Variants in ANKRD36 observed in about 807,000 individuals in gnomAD.
ANKRD36 encodes ankyrin repeat domain-containing protein 36A.
A neutral mutation model predicts 278.1 loss-of-function variants in ANKRD36; 179 were observed. The ratio of observed to expected loss-of-function variants is 0.64; its 90% CI spans 0.57 to 0.73. The LOEUF (loss-of-function observed/expected upper bound fraction) is 0.73. Ranked by LOEUF, ANKRD36 falls within the 30% of genes least tolerant of loss-of-function variation. The probability of loss-of-function intolerance (pLI) is 0.00; values close to 1 mark genes in which losing one functional copy is unlikely to be tolerated. For synonymous variants in ANKRD36, 320 were observed against 641.1 expected (o/e 0.50, Z 7.57); for missense variants, 1,159 against 1,956.7 (o/e 0.59, Z 7.69).
chr2:97,152,713 A>T (rs1279108014), intron 14 of ANKRD36, among the ~76,000 whole-genome samples, 179 bp downstream of exon 14: 1 of 146,624 alleles, frequency 6.8e-6, no homozygotes, highest in Non-Finnish European at 1.5e-5. Flanking sequence ...TAATTAGGCA[A>T]CTCTGCTTTA....
chr2:97,156,369 C>G (rs571456450), intron 15 of ANKRD36, among the ~76,000 whole-genome samples: 36 of 144,554 alleles, frequency 2.5e-4, no homozygotes, highest in African/African-American at 7.3e-4. Context: ...CTCCCTCCCC[C>G]CTACCCCCAC....
chr2:97,206,862 C>A (rs1306564225), intron 52 of ANKRD36, among the ~76,000 whole-genome samples: 1 of 151,420 alleles, frequency 6.6e-6, no homozygotes, highest in East Asian at 1.9e-4. Context: ...AAACTTGAAT[C>A]TGAATACATT....
intron 75 of ANKRD36, among the ~76,000 whole-genome samples, chr2:97,256,915 A>AT (rs1189907746): frequency 1.7e-5 from 2 of 116,054 alleles, no homozygotes; most frequent in East Asian, 1.1e-3. Flanking sequence ...TATTTTATGT[A>AT]TTTTTCAAGA....
Position 97,193,020 on chromosome 2 carries a change from A to T in ANKRD36, c.2416A>T (p.Arg806Ter). Residue 806 changes from arginine (R) to a stop codon, truncating the protein, a stop_gained, in exon 38 of 76, where the codon AGA becomes TGA. Coordinates refer to ENST00000420699, the MANE Select transcript of ANKRD36 (RefSeq NM_001354587.1). LOFTEE classifies it high-confidence loss of function. ...DEEGSVLSIARENKDGEKSRT... is the reference protein window; with the variant it reads ...DEEGSVLSIA ...GGAAGGTTCTGTTTTGAGTATAGCC[A>T]GAGAAAACAAGGATGGAGAAAAATC... The T allele has an allele frequency of 1.3e-6, 2 of 1,572,230 alleles. No individual in the cohort carries two copies. The highest frequency in any genetic ancestry group is 1.7e-6 in the Non-Finnish European group (2 of 1,158,538).
At chr2:97,116,345 G>A (rs1348513725) in intron 1 of ANKRD36, among the ~76,000 whole-genome samples, 4 of 151,826 alleles carry the variant, frequency 2.6e-5, no homozygotes, top group Non-Finnish European at 5.9e-5. Context: ...GCATGATCTC[G>A]GCTCACTGCA....
chr2:97,135,453 G>T (rs2153436292), intron 6 of ANKRD36, among the ~76,000 whole-genome samples: 1 of 152,102 alleles, frequency 6.6e-6, no homozygotes, highest in Non-Finnish European at 1.5e-5. Flanking sequence ...TTATGTGAAT[G>T]TGAGCTCACA....
chr2:97,113,772 C>T lies in ANKRD36; in HGVS notation c.33C>T (p.Thr11=). MEDGKRERWP[T]LMERLCSDGF... Reference sequence around the variant, plus strand: ...ACGGCAAGCGGGAGAGGTGGCCCACCCTCATGGAGCGCTTGTGCTCGGATG... The same window carrying T: ...ACGGCAAGCGGGAGAGGTGGCCCACTCTCATGGAGCGCTTGTGCTCGGATG... The change falls in exon 1 of 76, where the codon ACC becomes ACT. Residue 11 remains threonine, a synonymous_variant. Transcript: ENST00000420699. 6.2e-7 allele frequency: 1 copy of T among 1,612,866 alleles called. No homozygotes were observed. Among genetic ancestry groups the T allele is most frequent in the Non-Finnish European group, 8.5e-7 (1 of 1,179,970 alleles).
At position 97,154,702 on chromosome 2, in the gene ANKRD36, A is replaced by G; in HGVS notation, c.1221A>G (p.Ala407=). ...GTCTCTACCTACTGGACCGTTTTGC[A>G]CAGCCTGTGACAAAGGATAAGTTTG... ...DRCLYLLDRF[A]QPVTKDKFAL... is the part of the protein sequence containing the mutation. Residue 407 remains alanine (A), a synonymous_variant, in exon 15 of 76, where the codon GCA becomes GCG. Transcript: ENST00000420699. 2 of 1,488,516 alleles carry G rather than the reference A, an allele frequency of 1.3e-6. No individual in the cohort carries two copies. Among genetic ancestry groups the G allele is most frequent in the Admixed American group, 4.0e-5 (2 of 50,052 alleles). The allele number at this position is 1,488,516 out of a possible 1,614,324, so 92.2% of individuals were successfully genotyped here.
chr2:97,176,548 C>A (rs1188151485), intron 22 of ANKRD36, among the ~76,000 whole-genome samples: 1 of 148,248 alleles, frequency 6.7e-6, no homozygotes, highest in Non-Finnish European at 1.5e-5. Context: ...TTCCTGAATA[C>A]AGCACACTGA....
chr2:97,191,255 G>A (rs192599698), intron 36 of ANKRD36, 74 bp downstream of exon 36: 75 of 1,436,552 alleles, frequency 5.2e-5, no homozygotes, highest in Middle Eastern at 5.0e-4. Flanking sequence ...GAATGAATTG[G>A]CCTGGGGCTC....
Position 97,213,553 on chromosome 2 carries a change from CAAGA to C in ANKRD36, c.3515_3518del (p.Lys1172IlefsTer10), listed in dbSNP as rs1190090274. 7.9e-6 allele frequency: 5 copies of C among 636,500 alleles called. No homozygotes were observed. In the East Asian group the frequency reaches 1.3e-4, roughly 16 times the overall value. 39.4% of individuals were successfully genotyped at this position (636,500 alleles called of 1,614,324 possible). ...CAAATTCCATTCAGGCTACAAGTGA[CAAGA>C]AAGATTCTGTTTCGAATATACCCAC... On this transcript the variant is annotated frameshift_variant, in exon 60 of 76. Coordinates refer to ENST00000420699, the MANE Select transcript of ANKRD36 (RefSeq NM_001354587.1). LOFTEE classifies it high-confidence loss of function.
At chr2:97,197,728 T>A (rs566476426) in intron 42 of ANKRD36, among the ~76,000 whole-genome samples, 5 of 152,074 alleles carry the variant, frequency 3.3e-5, no homozygotes, top group East Asian at 2.0e-4. Flanking sequence ...TGCTTGTAGC[T>A]GTTTTACTTT....
chr2:97,211,872 T>A, intron 58 of ANKRD36, 131 bp downstream of exon 58: 1 of 1,224,750 alleles, frequency 8.2e-7, no homozygotes. Context: ...TATTCATTTG[T>A]AATAAGTTCT....
intron 36 of ANKRD36, among the ~76,000 whole-genome samples, chr2:97,191,926 C>T (rs1218483392): frequency 6.6e-6 from 1 of 151,568 alleles, no homozygotes; most frequent in Non-Finnish European, 1.5e-5. Context: ...ATATTGGCTT[C>T]CTTGTTCAAG....
At chr2:97,206,593 T>A (rs796334780) in intron 52 of ANKRD36, among the ~76,000 whole-genome samples, 5 of 151,440 alleles carry the variant, frequency 3.3e-5, no homozygotes, top group African/African-American at 1.2e-4. Context: ...AGAAGACGGA[T>A]TGTGAGGCAG....
chr2:97,154,855 T>G (rs1297548883), intron 15 of ANKRD36, 114 bp downstream of exon 15: 1 of 902,754 alleles, frequency 1.1e-6, no homozygotes, highest in African/African-American at 1.6e-5. Flanking sequence ...TTTATGTTAG[T>G]ATTAAAACTT....
chr2:97,260,876 G>GTT (rs2076678527), intron 75 of ANKRD36, among the ~76,000 whole-genome samples: 1 of 117,076 alleles, frequency 8.5e-6, no homozygotes, highest in African/African-American at 4.1e-5. Flanking sequence ...TTTATGTTAT[G>GTT]AAGATTCTTT....
intron 34 of ANKRD36, 44 bp from the exon 35 acceptor site, chr2:97,190,934 C>T (rs2058379882): frequency 1.3e-6 from 2 of 1,596,204 alleles, no homozygotes; most frequent in African/African-American, 2.7e-5. Flanking sequence ...ATAACTTTAT[C>T]ATGTTTATAT....
chr2:97,216,411 G>A (rs886136773), intron 62 of ANKRD36, among the ~76,000 whole-genome samples: 1 of 152,018 alleles, frequency 6.6e-6, no homozygotes, highest in Admixed American at 6.6e-5. Context: ...ATTTGTGAAT[G>A]TAAAACATAT....
Sources: gnomAD v4.1 joint callset for allele counts (sites outside exome capture counted in the v4.1 genomes callset) on GRCh38, gnomAD v4.1.1 for gene constraint, MANE v1.5 for transcripts, NCBI Gene and HGNC (gene_info 2026-07-23, HGNC 2026-07-21) for gene names.